The following RGS7 variants were observed in gnomAD, a reference collection of about 807,000 sequenced individuals.
RGS7 encodes the protein regulator of G-protein signaling 7.
A neutral mutation model predicts 81.1 loss-of-function variants in RGS7; 27 were observed. The ratio of observed to expected loss-of-function variants is 0.33; its 90% CI spans 0.25 to 0.46. The LOEUF is 0.46. RGS7 is among the 20% of genes least tolerant of loss of function. The pLI is 1.00. For synonymous variants in RGS7, 208 were observed against 207.7 expected, an observed-to-expected ratio of 1.00 and a Z score of -0.01; for missense variants, 396 against 607.4, an observed-to-expected ratio of 0.65 and a Z score of 3.66.
intron 2 of RGS7, among the ~76,000 whole-genome samples, chr1:241,242,306 G>GTAGACAGATAGA (rs372439369): frequency 6.8e-6 from 1 of 147,442 alleles, no homozygotes; most frequent in African/African-American, 2.5e-5. Context: ...CTATGGATGA[G>GTAGACAGATAGA]TAGATAGATA....
At chr1:241,321,836 C>A (rs565096076) in intron 2 of RGS7, among the ~76,000 whole-genome samples, 2 of 152,296 alleles carry the variant, frequency 1.3e-5, no homozygotes, top group Non-Finnish European at 2.9e-5. Flanking sequence ...GTATAATTCT[C>A]ACTCATTAGT....
intron 2 of RGS7, among the ~76,000 whole-genome samples, chr1:241,232,210 CTT>C (rs1491494034): frequency 2.7e-4 from 41 of 150,128 alleles, no homozygotes; most frequent in Admixed American, 8.6e-4. Context: ...CTCTCTCTCT[CTT>C]TCTCTCTCTC....
At chr1:240,894,271 A>T (rs1323640737) in intron 6 of RGS7, among the ~76,000 whole-genome samples, 1 of 152,122 alleles carries the variant, frequency 6.6e-6, no homozygotes, top group Non-Finnish European at 1.5e-5. Flanking sequence ...ATCTATTGGC[A>T]GACTTTACAT....
chr1:241,016,027 T>C (rs1163213235), intron 3 of RGS7, among the ~76,000 whole-genome samples: 1 of 152,198 alleles, frequency 6.6e-6, no homozygotes, highest in East Asian at 1.9e-4. Flanking sequence ...TAATTTATTG[T>C]TTAATTCAGA....
At chr1:240,881,842 T>A (rs1666441460) in intron 6 of RGS7, among the ~76,000 whole-genome samples, 1 of 152,096 alleles carries the variant, frequency 6.6e-6, no homozygotes, top group African/African-American at 2.4e-5. Flanking sequence ...CTATATGGGA[T>A]CATATACCTT....
rs911446237 is a variant in RGS7 at position 241,163,644 on chromosome 1, C to G, written c.79-64882G>C. ...TTGCTAGCCAGGGCTCCTCTTCTCT[C>G]CCTCCCATAATCACAACCTGTTTTG... On this transcript the variant is annotated intron_variant, in intron 2 of 18. Coordinates refer to ENST00000440928, the MANE Select transcript of RGS7 (RefSeq NM_001364886.1). The surrounding 1 kb of genome is among the most constrained non-coding windows in gnomAD (Gnocchi z 4.6). Among the ~76,000 whole-genome samples, 1 of 152,178 alleles carries G rather than the reference C, an allele frequency of 6.6e-6. No homozygotes were observed. The highest frequency in any genetic ancestry group is 2.4e-5 in the African/African-American group (1 of 41,446).
intron 2 of RGS7, among the ~76,000 whole-genome samples, chr1:241,316,045 C>T (rs2080850471): frequency 6.6e-6 from 1 of 152,174 alleles, no homozygotes; most frequent in Non-Finnish European, 1.5e-5. Flanking sequence ...AACTTAGTTT[C>T]TCCTACTCTA....
intron 4 of RGS7, among the ~76,000 whole-genome samples, chr1:240,939,215 C>T (rs766094768): frequency 2.0e-5 from 3 of 152,152 alleles, no homozygotes; most frequent in Non-Finnish European, 4.4e-5. Context: ...AGAGAATCTA[C>T]TTCCATACAT....
chr1:241,215,295 C>T (rs2686225), intron 2 of RGS7, among the ~76,000 whole-genome samples: 43,896 of 152,070 alleles, frequency 0.29, 6,748 homozygotes, highest in African/African-American at 0.41. Flanking sequence ...CTAGGAGTGG[C>T]CCTTATAGGT....
chr1:241,067,796 T>G (rs1404907405), intron 3 of RGS7, among the ~76,000 whole-genome samples: 1 of 152,146 alleles, frequency 6.6e-6, no homozygotes, highest in African/African-American at 2.4e-5. Flanking sequence ...ATTACAGGCA[T>G]GAGCCACTGC....
At chr1:241,330,280 C>G (rs146051874) in intron 2 of RGS7, among the ~76,000 whole-genome samples, 2 of 152,300 alleles carry the variant, frequency 1.3e-5, no homozygotes, top group East Asian at 3.9e-4. Context: ...CCATAACTCT[C>G]TCATCTGATA....
intron 3 of RGS7, among the ~76,000 whole-genome samples, chr1:241,011,723 T>C (rs916924058): frequency 1.3e-5 from 2 of 152,174 alleles, no homozygotes; most frequent in East Asian, 1.9e-4. Flanking sequence ...GATATCCCCA[T>C]ACCTTGAGAA....
At chr1:241,002,912 T>C (rs187742339) in intron 3 of RGS7, among the ~76,000 whole-genome samples, 9 of 152,324 alleles carry the variant, frequency 5.9e-5, no homozygotes, top group Admixed American at 4.6e-4. Context: ...ATTCGTAACA[T>C]GAAAACAAAA....
intron 6 of RGS7, among the ~76,000 whole-genome samples, chr1:240,907,259 T>C (rs1670971064): frequency 6.6e-6 from 1 of 152,156 alleles, no homozygotes; most frequent in African/African-American, 2.4e-5. Flanking sequence ...AGGGTTCCTC[T>C]CCTTGTTCAG....
intron 2 of RGS7, among the ~76,000 whole-genome samples, chr1:241,344,579 T>C (rs1366356389): frequency 2.0e-5 from 3 of 152,250 alleles, no homozygotes; most frequent in Non-Finnish European, 4.4e-5. Context: ...ACCCAGACAG[T>C]CTGGCTACAA....
At chr1:241,202,011 G>GAACACACACACAC (rs138116326) in intron 2 of RGS7, among the ~76,000 whole-genome samples, 1 of 144,970 alleles carries the variant, frequency 6.9e-6, no homozygotes, top group African/African-American at 2.6e-5. Flanking sequence ...GACACACACA[G>GAACACACACACAC]ACACACACAC....
At chr1:241,079,509 T>C (rs1210709243) in intron 3 of RGS7, among the ~76,000 whole-genome samples, 1 of 151,902 alleles carries the variant, frequency 6.6e-6, no homozygotes, top group Non-Finnish European at 1.5e-5. Context: ...CCAGCTAGCT[T>C]GGGGAGGGGG....
At chr1:240,978,214 G>A (rs930529652) in intron 4 of RGS7, among the ~76,000 whole-genome samples, 1 of 152,156 alleles carries the variant, frequency 6.6e-6, no homozygotes, top group Non-Finnish European at 1.5e-5. Context: ...TCCATGTAGA[G>A]TCCTTCATGC....
At chr1:241,250,554 C>A (rs759481422) in intron 2 of RGS7, among the ~76,000 whole-genome samples, 1 of 151,690 alleles carries the variant, frequency 6.6e-6, no homozygotes, top group Non-Finnish European at 1.5e-5. Context: ...CAGAAGAATA[C>A]CAGGGAAAAT....
Sources: gnomAD v4.1 joint callset for allele counts (sites outside exome capture counted in the v4.1 genomes callset) on GRCh38, gnomAD v4.1.1 for gene constraint, Gnocchi (gnomAD v3.1) non-coding constraint, MANE v1.5 for transcripts, NCBI Gene and HGNC (gene_info 2026-07-23, HGNC 2026-07-21) for gene names.